The following DSCAM variants were observed in gnomAD, a reference collection of about 807,000 sequenced individuals.
The protein encoded by DSCAM is cell adhesion molecule DSCAM.
In DSCAM, 47 loss-of-function variants were observed where a neutral mutation model predicts 217.7. That is an observed-to-expected ratio of 0.22 (90% CI 0.17 to 0.28). The LOEUF (loss-of-function observed/expected upper bound fraction) is 0.28, where lower values mean the gene tolerates loss of function less well. DSCAM is among the 10% of genes least tolerant of loss of function. The pLI is 1.00. For missense variants in DSCAM, 2,080 were observed against 2,618.3 expected (o/e 0.79, Z 4.49); for synonymous variants, 1,056 against 1,015.3 (o/e 1.04, Z -0.76).
intron 6 of DSCAM, among the ~76,000 whole-genome samples, chr21:40,340,892 C>T (rs1028438439): frequency 6.6e-6 from 1 of 152,132 alleles, no homozygotes; most frequent in African/African-American, 2.4e-5. Flanking sequence ...CTCATTCCCC[C>T]AGAACCTTGG....
intron 29 of DSCAM, among the ~76,000 whole-genome samples, chr21:40,055,044 C>T (rs1018581311): frequency 9.2e-5 from 14 of 152,074 alleles, no homozygotes; most frequent in Non-Finnish European, 1.2e-4. Flanking sequence ...ATAGAATAAT[C>T]GAGGCAGGCA....
chr21:40,692,548 A>G (rs2090549024), intron 3 of DSCAM, among the ~76,000 whole-genome samples: 1 of 152,218 alleles, frequency 6.6e-6, no homozygotes, highest in South Asian at 2.1e-4. Flanking sequence ...AATTTTCTCA[A>G]AAAAGTTAAC....
At chr21:40,032,199 G>T (rs2088539192) in intron 32 of DSCAM, among the ~76,000 whole-genome samples, 1 of 152,184 alleles carries the variant, frequency 6.6e-6, no homozygotes, top group African/African-American at 2.4e-5. Context: ...TGTGGCTGTT[G>T]TGTGGGAACT....
chr21:40,528,368 C>T (rs1201987851), intron 3 of DSCAM, among the ~76,000 whole-genome samples: 1 of 152,112 alleles, frequency 6.6e-6, no homozygotes, highest in Non-Finnish European at 1.5e-5. Flanking sequence ...ATATTATACT[C>T]CATTATAGTA....
chr21:40,614,042 G>A (rs1317572346), intron 3 of DSCAM, among the ~76,000 whole-genome samples: 1 of 152,184 alleles, frequency 6.6e-6, no homozygotes, highest in Non-Finnish European at 1.5e-5. Context: ...TCCCCTGTGA[G>A]ATGCACAGAT....
At position 40,013,046 on chromosome 21, in the gene DSCAM, G is replaced by A; in HGVS notation, c.6027C>T (p.Tyr2009=). Residue 2009 remains tyrosine (Y), a synonymous_variant, in exon 33 of 33, where the codon TAC becomes TAT. Coordinates refer to ENST00000400454, the MANE Select transcript of DSCAM (RefSeq NM_001389.5). Reference sequence around the variant, plus strand: ...GTCATGCTGTCTGTTATACCAGGGTGTAAGATTTTGCGTAAGGATTGTTTC... The same window carrying A: ...GTCATGCTGTCTGTTATACCAGGGTATAAGATTTTGCGTAAGGATTGTTTC... ...LKGNNPYAKS[Y]TLV 2 of 1,517,878 alleles carry A rather than the reference G, an allele frequency of 1.3e-6. No homozygotes were observed. The highest frequency in any genetic ancestry group is 1.8e-6 in the Non-Finnish European group (2 of 1,130,098). 94.0% of individuals were successfully genotyped at this position (1,517,878 alleles called of 1,614,324 possible).
At chr21:40,066,614 A>C (rs2837412) in intron 27 of DSCAM, among the ~76,000 whole-genome samples, 27,413 of 152,158 alleles carry the variant, frequency 0.18, 2,737 homozygotes, top group African/African-American at 0.25. Context: ...TTTTTTTTAC[A>C]ACTTCTATAG....
Position 40,276,184 on chromosome 21 carries a change from C to A in DSCAM, c.2269G>T (p.Val757Leu), listed in dbSNP as rs79723432. The A allele has an allele frequency of 6.1e-5, 99 of 1,613,432 alleles. No individual in the cohort carries two copies. The African/African-American group carries it at 9.2e-4, about 15-fold the overall frequency. Residue 757 changes from valine to leucine, a missense_variant, in exon 11 of 33, where the codon GTG becomes TTG. Physicochemically the swap from Val to Leu is conservative, Grantham distance 32. Transcript: ENST00000400454. ...SNGSLLIKHVVEEDSGYYLCK... is the reference protein window; with the variant it reads ...SNGSLLIKHVLEEDSGYYLCK... ...AGGTAGTAGCCACTGTCTTCCTCCA[C>A]GACATGCTTGATCAGCAACGACCCA...
At chr21:40,823,500 A>G (rs1371735044) in intron 1 of DSCAM, among the ~76,000 whole-genome samples, 2 of 152,202 alleles carry the variant, frequency 1.3e-5, no homozygotes, top group African/African-American at 4.8e-5. Flanking sequence ...GAAAATGGAT[A>G]TTTGGGTGAT....
chr21:40,630,697 G>A (rs879566223), intron 3 of DSCAM: 16 of 152,296 alleles, frequency 1.1e-4, no homozygotes, highest in South Asian at 4.2e-4. Context: ...CTGAGCATTC[G>A]GCCTTCACTG....
At chr21:40,244,858 T>C (rs2073201661) in intron 11 of DSCAM, among the ~76,000 whole-genome samples, 1 of 152,178 alleles carries the variant, frequency 6.6e-6, no homozygotes, top group Non-Finnish European at 1.5e-5. Flanking sequence ...CTCAGTGCTG[T>C]TATGATTTGC....
intron 3 of DSCAM, among the ~76,000 whole-genome samples, chr21:40,666,633 G>A (rs1475364537): frequency 6.6e-6 from 1 of 152,206 alleles, no homozygotes; most frequent in Non-Finnish European, 1.5e-5. Flanking sequence ...AAAGCCCCCG[G>A]TGGTTGTTTT....
chr21:40,586,173 T>A (rs1267684488), intron 3 of DSCAM, among the ~76,000 whole-genome samples: 2 of 152,188 alleles, frequency 1.3e-5, no homozygotes, highest in African/African-American at 2.4e-5. Context: ...CTTTTGTTTC[T>A]GTTCTTGCCA....
intron 30 of DSCAM, among the ~76,000 whole-genome samples, chr21:40,050,424 A>G (rs905273592): frequency 1.4e-5 from 2 of 142,088 alleles, no homozygotes; most frequent in African/African-American, 5.4e-5. Context: ...AGTAGCAGCA[A>G]GCCACACCAG....
intron 3 of DSCAM, among the ~76,000 whole-genome samples, chr21:40,453,838 A>G (rs1285216464): frequency 1.3e-5 from 2 of 152,236 alleles, no homozygotes; most frequent in Non-Finnish European, 2.9e-5. Context: ...TTAGTCACTA[A>G]CAAGACTAAA....
At chr21:40,126,636 T>A (rs1045263299) in intron 19 of DSCAM, among the ~76,000 whole-genome samples, 6 of 152,214 alleles carry the variant, frequency 3.9e-5, no homozygotes, top group Non-Finnish European at 8.8e-5. Flanking sequence ...TATTTATATG[T>A]TTTAAGTTAA....
chr21:40,308,840 A>G (rs1350464718), intron 9 of DSCAM, among the ~76,000 whole-genome samples: 1 of 152,048 alleles, frequency 6.6e-6, no homozygotes, highest in Non-Finnish European at 1.5e-5. Context: ...TTGTTTTTCC[A>G]CTTCTTTGAC....
chr21:40,289,793 G>A lies in DSCAM; in HGVS notation c.2182+6262C>T, dbSNP rs775813585. ...TGGGGGTCTTGGGGCTGCTGTATTC[G>A]AAAGGAAACCAAGACCTAGCAAAGA... On this transcript the variant is annotated intron_variant, in intron 10 of 32. Coordinates refer to ENST00000400454, the MANE Select transcript of DSCAM (RefSeq NM_001389.5). Among the ~76,000 whole-genome samples, 22 of 152,186 alleles carry A rather than the reference G, an allele frequency of 1.4e-4. 1 individual carries two copies. Among genetic ancestry groups the A allele is most frequent in the Non-Finnish European group, 2.6e-4 (18 of 68,004 alleles).
chr21:40,303,311 A>G (rs1010307942), intron 9 of DSCAM, among the ~76,000 whole-genome samples: 7 of 152,148 alleles, frequency 4.6e-5, no homozygotes, highest in Middle Eastern at 3.4e-3. Context: ...CTGTGAACAC[A>G]CAAAACTCAC....
Sources: gnomAD v4.1 joint callset for allele counts (sites outside exome capture counted in the v4.1 genomes callset) on GRCh38, gnomAD v4.1.1 for gene constraint, MANE v1.5 for transcripts, NCBI Gene and HGNC (gene_info 2026-07-23, HGNC 2026-07-21) for gene names.